Variants in RTN4R observed in about 807,000 individuals in gnomAD.
The protein encoded by RTN4R is reticulon-4 receptor.
RTN4R carries 4 observed loss-of-function variants against 27.7 expected under a neutral mutation model. The ratio of observed to expected loss-of-function variants is 0.14; its 90% CI spans 0.07 to 0.33. The LOEUF is 0.33. Ranked by LOEUF, RTN4R falls within the 10% of genes least tolerant of loss-of-function variation. The pLI is 1.00. For missense variants in RTN4R, 554 were observed against 671.5 expected, an observed-to-expected ratio of 0.83 and a Z score of 1.93; for synonymous variants, 290 against 305.6, an observed-to-expected ratio of 0.95 and a Z score of 0.53.
intron 1 of RTN4R, chr22:20,267,669 C>G (rs376146292): frequency 5.0e-5 from 23 of 463,914 alleles, no homozygotes; most frequent in East Asian, 3.0e-4. Flanking sequence ...CGGCCCGACA[C>G]CCCCACCCAC....
rs1350405577 is a variant in RTN4R, at chr22:20,251,253, C to T, written c.23-8143G>A. On this transcript the variant is annotated intron_variant, in intron 1 of 1. Coordinates refer to ENST00000043402, the MANE Select transcript of RTN4R (RefSeq NM_023004.6). ...CGTGTCGATGTACTTCCCAGGACAT[C>T]AGGATTCCAGCCTCTGCTAAAGGGA... Among the ~76,000 whole-genome samples, 3 of 152,106 alleles carry T rather than the reference C, an allele frequency of 2.0e-5. No individual in the cohort carries two copies. The East Asian group carries it at 5.8e-4, about 29-fold the overall frequency.
chr22:20,257,648 T>A (rs2051219464), intron 1 of RTN4R, among the ~76,000 whole-genome samples: 1 of 152,256 alleles, frequency 6.6e-6, no homozygotes, highest in African/African-American at 2.4e-5. Flanking sequence ...TCGTATTTTG[T>A]CATGGCAGCT....
chr22:20,259,197 C>T (rs766493880), intron 1 of RTN4R, among the ~76,000 whole-genome samples: 3 of 152,182 alleles, frequency 2.0e-5, no homozygotes, highest in Non-Finnish European at 2.9e-5. Context: ...CCCAGGGGAC[C>T]GGCCTCCGCT....
chr22:20,254,019 C>A (rs948558274), intron 1 of RTN4R, among the ~76,000 whole-genome samples: 2 of 152,076 alleles, frequency 1.3e-5, no homozygotes, highest in Non-Finnish European at 2.9e-5. Flanking sequence ...AGAAACAATA[C>A]CAGAAAACTT....
intron 1 of RTN4R, among the ~76,000 whole-genome samples, chr22:20,246,465 G>A (rs1339986984): frequency 6.6e-6 from 1 of 150,484 alleles, no homozygotes; most frequent in Non-Finnish European, 1.5e-5. Flanking sequence ...GAGGTGGGAG[G>A]AGAGCGAGGA....
intron 1 of RTN4R, among the ~76,000 whole-genome samples, chr22:20,247,171 T>C (rs1455687628): frequency 1.3e-5 from 2 of 151,580 alleles, no homozygotes; most frequent in Non-Finnish European, 2.9e-5. Flanking sequence ...TCTGAGCTGC[T>C]GCTTCCCAGG....
chr22:20,250,342 C>G (rs1200794310), intron 1 of RTN4R, among the ~76,000 whole-genome samples: 1 of 152,268 alleles, frequency 6.6e-6, no homozygotes, highest in Non-Finnish European at 1.5e-5. Context: ...CCCGCAACAA[C>G]AGCAGAGCTG....
chr22:20,261,141 C>T (rs2051244118), intron 1 of RTN4R, among the ~76,000 whole-genome samples: 1 of 152,220 alleles, frequency 6.6e-6, no homozygotes, highest in African/African-American at 2.4e-5. Flanking sequence ...GCAGAGGCTC[C>T]TGCTCCAGGC....
chr22:20,267,806 T>C (rs2145988918), intron 1 of RTN4R: 6 of 370,988 alleles, frequency 1.6e-5, no homozygotes, highest in South Asian at 6.8e-5. Flanking sequence ...TCGGGGACCC[T>C]CGGACCGCCA....
intron 1 of RTN4R, among the ~76,000 whole-genome samples, chr22:20,263,181 C>T (rs943984709): frequency 2.2e-4 from 33 of 152,224 alleles, no homozygotes; most frequent in African/African-American, 8.0e-4. Flanking sequence ...CCACTGGGCG[C>T]CCCGTGGGTG....
chr22:20,266,425 C>A (rs1191984447), intron 1 of RTN4R, among the ~76,000 whole-genome samples: 2 of 152,236 alleles, frequency 1.3e-5, no homozygotes, highest in Non-Finnish European at 2.9e-5. Flanking sequence ...GGTAGGGGAG[C>A]CCACCACAGA....
At chr22:20,257,227 C>T (rs978030089) in intron 1 of RTN4R, among the ~76,000 whole-genome samples, 7 of 152,344 alleles carry the variant, frequency 4.6e-5, no homozygotes, top group African/African-American at 1.7e-4. Flanking sequence ...GCTCCAGCAC[C>T]CCAGTGCCAA....
At chr22:20,251,720 T>G (rs1602643810) in intron 1 of RTN4R, among the ~76,000 whole-genome samples, 1 of 148,272 alleles carries the variant, frequency 6.7e-6, no homozygotes. Context: ...ACCATCACCA[T>G]CCTCAACACC....
intron 1 of RTN4R, among the ~76,000 whole-genome samples, chr22:20,247,902 C>A (rs1305735328): frequency 6.6e-6 from 1 of 152,224 alleles, no homozygotes; most frequent in Non-Finnish European, 1.5e-5. Flanking sequence ...CAGGACTGGC[C>A]TCCTGAGTGT....
intron 1 of RTN4R, among the ~76,000 whole-genome samples, chr22:20,254,350 G>A (rs1346114009): frequency 6.6e-6 from 1 of 151,280 alleles, no homozygotes; most frequent in Non-Finnish European, 1.5e-5. Flanking sequence ...GATTGCTTGA[G>A]CCCAGAAGTT....
chr22:20,252,561 A>G (rs1424822376), intron 1 of RTN4R, among the ~76,000 whole-genome samples: 1 of 152,130 alleles, frequency 6.6e-6, no homozygotes, highest in Non-Finnish European at 1.5e-5. Flanking sequence ...GCCAGGAGAC[A>G]GTGCACACAA....
intron 1 of RTN4R, among the ~76,000 whole-genome samples, chr22:20,261,933 G>A (rs1334040347): frequency 6.6e-6 from 1 of 152,252 alleles, no homozygotes; most frequent in Non-Finnish European, 1.5e-5. Context: ...CTTCACCTAG[G>A]GGCAGCCATG....
chr22:20,250,354 G>C (rs2051168628), intron 1 of RTN4R, among the ~76,000 whole-genome samples: 1 of 152,270 alleles, frequency 6.6e-6, no homozygotes, highest in Admixed American at 6.5e-5. Flanking sequence ...GCAGAGCTGA[G>C]TTGTTATGAC....
chr22:20,249,715 A>G (rs1432377786), intron 1 of RTN4R, among the ~76,000 whole-genome samples: 4 of 152,188 alleles, frequency 2.6e-5, no homozygotes, highest in Admixed American at 6.5e-5. Context: ...GAGGGTCTGC[A>G]TGCCGCTGCG....
Sources: gnomAD v4.1 joint callset for allele counts (sites outside exome capture counted in the v4.1 genomes callset) on GRCh38, gnomAD v4.1.1 for gene constraint, MANE v1.5 for transcripts, NCBI Gene and HGNC (gene_info 2026-07-23, HGNC 2026-07-21) for gene names.